Variants in PPP3CC observed in about 807,000 individuals in gnomAD.
The protein encoded by PPP3CC is serine/threonine-protein phosphatase 2B catalytic subunit gamma isoform.
PPP3CC carries 35 observed loss-of-function variants against 60.3 expected under a neutral mutation model. That is an observed-to-expected ratio of 0.58 (90% CI 0.44 to 0.77). The LOEUF is 0.77. Ranked by LOEUF, PPP3CC falls within the 30% of genes least tolerant of loss-of-function variation. The probability of loss-of-function intolerance (pLI) is 0.00; values close to 1 mark genes in which losing one functional copy is unlikely to be tolerated. For synonymous variants in PPP3CC, 206 were observed against 224.3 expected (o/e 0.92, Z 0.73); for missense variants, 570 against 628.9 (o/e 0.91, Z 1.00).
chr8:22,463,910 C>A (rs1837438123), intron 1 of PPP3CC, among the ~76,000 whole-genome samples: 1 of 151,874 alleles, frequency 6.6e-6, no homozygotes, highest in Non-Finnish European at 1.5e-5. Flanking sequence ...CCTCAGCCTT[C>A]CAAGTAGCTG....
intron 1 of PPP3CC, among the ~76,000 whole-genome samples, chr8:22,460,701 C>A (rs1322453470): frequency 6.6e-6 from 1 of 151,912 alleles, no homozygotes; most frequent in Non-Finnish European, 1.5e-5. Flanking sequence ...TATCTGAAGT[C>A]CCAGCTACTC....
At chr8:22,509,190 A>G (rs1435786053) in intron 4 of PPP3CC, among the ~76,000 whole-genome samples, 1 of 152,114 alleles carries the variant, frequency 6.6e-6, no homozygotes, top group East Asian at 1.9e-4. Flanking sequence ...TGCCACCCAT[A>G]TAGTACTGCA....
At chr8:22,504,544 C>T (rs1300371922) in intron 4 of PPP3CC, among the ~76,000 whole-genome samples, 2 of 152,144 alleles carry the variant, frequency 1.3e-5, no homozygotes, top group African/African-American at 2.4e-5. Context: ...AGGATCCTTC[C>T]GCCTTAGCCT....
intron 10 of PPP3CC, among the ~76,000 whole-genome samples, chr8:22,529,092 T>G (rs1839636745): frequency 6.6e-6 from 1 of 152,226 alleles, no homozygotes; most frequent in Admixed American, 6.5e-5. Context: ...CTCAATAAGC[T>G]TATTTGCTAG....
chr8:22,484,088 C>T (rs1277838351), intron 3 of PPP3CC, among the ~76,000 whole-genome samples: 4 of 151,832 alleles, frequency 2.6e-5, no homozygotes, highest in Admixed American at 1.3e-4. Flanking sequence ...CTCAGGATAC[C>T]CTCCAACCTC....
At chr8:22,466,074 G>A (rs1837512789) in intron 1 of PPP3CC, among the ~76,000 whole-genome samples, 1 of 152,126 alleles carries the variant, frequency 6.6e-6, no homozygotes, top group Admixed American at 6.6e-5. Flanking sequence ...ACCCAAGAGT[G>A]AGAACATGTG....
At chr8:22,494,069 T>A (rs532133217) in intron 3 of PPP3CC, among the ~76,000 whole-genome samples, 1 of 152,310 alleles carries the variant, frequency 6.6e-6, no homozygotes, top group South Asian at 2.1e-4. Flanking sequence ...ATGTGGTGTG[T>A]TGTTGACTAT....
intron 1 of PPP3CC, among the ~76,000 whole-genome samples, chr8:22,454,664 T>G (rs78116854): frequency 0.011 from 1,717 of 152,316 alleles, 13 homozygotes; most frequent in Non-Finnish European, 0.018. Context: ...TGATAGAAAC[T>G]TTTCAGCTCC....
At chr8:22,450,748 G>A (rs1198408617) in intron 1 of PPP3CC, among the ~76,000 whole-genome samples, 1 of 152,108 alleles carries the variant, frequency 6.6e-6, no homozygotes, top group Non-Finnish European at 1.5e-5. Context: ...CTAGGCTTGT[G>A]TTCCATTTCT....
At chr8:22,489,727 TTATATATATAATAAG>T (rs1463452194) in intron 3 of PPP3CC, among the ~76,000 whole-genome samples, 2 of 79,656 alleles carry the variant, frequency 2.5e-5, no homozygotes, top group Non-Finnish European at 5.9e-5. Flanking sequence ...ATATTATATA[TTATATATATAATAAG>T]TATATATTAT....
chr8:22,513,524 T>C (rs1023493095), intron 6 of PPP3CC, 92 bp downstream of exon 6: 4 of 1,358,946 alleles, frequency 2.9e-6, no homozygotes, highest in Non-Finnish European at 3.9e-6. Flanking sequence ...CAAATCTATG[T>C]AGTATAAGCA....
chr8:22,442,781 G>T (rs1836709677), intron 1 of PPP3CC, among the ~76,000 whole-genome samples: 1 of 152,062 alleles, frequency 6.6e-6, no homozygotes, highest in Non-Finnish European at 1.5e-5. Flanking sequence ...CTTTTTTGAG[G>T]AATCAAGGTC....
intron 6 of PPP3CC, 92 bp from the exon 7 acceptor site, chr8:22,522,399 A>G: frequency 1.0e-6 from 1 of 962,832 alleles, no homozygotes; most frequent in Non-Finnish European, 1.5e-6. Context: ...TTTGAAACAA[A>G]ATCAGCTAAT....
chr8:22,497,559 C>A (rs117140519), intron 3 of PPP3CC, among the ~76,000 whole-genome samples: 6,052 of 152,136 alleles, frequency 0.04, 194 homozygotes, highest in Non-Finnish European at 0.063. Flanking sequence ...GTTATATCTG[C>A]AAATAGAGAT....
intron 3 of PPP3CC, among the ~76,000 whole-genome samples, chr8:22,490,247 G>A (rs1034234353): frequency 6.6e-6 from 1 of 152,086 alleles, no homozygotes; most frequent in Non-Finnish European, 1.5e-5. Context: ...TTATTACCTG[G>A]AAAGCTTGTG....
intron 8 of PPP3CC, among the ~76,000 whole-genome samples, chr8:22,526,679 T>C (rs1839570019): frequency 6.6e-6 from 1 of 152,206 alleles, no homozygotes. Flanking sequence ...ACATTGCTGG[T>C]GATAAAGGCT....
chr8:22,519,460 A>T, intron 6 of PPP3CC, among the ~76,000 whole-genome samples: 1 of 151,396 alleles, frequency 6.6e-6, no homozygotes, highest in East Asian at 1.9e-4. Context: ...TTGTGATTTG[A>T]TTTTTATTTT....
In PPP3CC at chr8:22,467,113, C is replaced by T. The variant is rs528089775; in HGVS notation, c.50-7841C>T. On this transcript the variant is annotated intron_variant, in intron 1 of 13. Transcript: ENST00000240139. ...GTAAGGGCAAAATATTTAACAATAA[C>T]TGAGATTTCTAAAAATTGCAGATTG... 1.5e-4 allele frequency among the ~76,000 whole-genome samples: 23 copies of T among 152,084 alleles called. No individual in the cohort carries two copies. The South Asian group carries it at 4.6e-3, about 30-fold the overall frequency.
intron 8 of PPP3CC, chr8:22,523,816 A>G (rs1215570461): frequency 4.4e-6 from 1 of 227,664 alleles, no homozygotes; most frequent in Non-Finnish European, 9.4e-6. Flanking sequence ...ATTATAAGGT[A>G]ATGAGACTGG....
Sources: gnomAD v4.1 joint callset for allele counts (sites outside exome capture counted in the v4.1 genomes callset) on GRCh38, gnomAD v4.1.1 for gene constraint, MANE v1.5 for transcripts, NCBI Gene and HGNC (gene_info 2026-07-23, HGNC 2026-07-21) for gene names.